Variants in XPO7 observed in about 807,000 individuals in gnomAD.
XPO7 encodes the protein exportin-7.
Under a neutral mutation model 144.3 loss-of-function variants are expected in XPO7, and 21 were observed. That is an observed-to-expected ratio of 0.15 (90% CI 0.10 to 0.21). The LOEUF (loss-of-function observed/expected upper bound fraction) is 0.21. Among genes scored for constraint, XPO7 ranks in the 10% least tolerant of loss-of-function variants. The pLI is 1.00. For synonymous variants in XPO7, 580 were observed against 499.6 expected (o/e 1.16, Z -2.15); for missense variants, 808 against 1,325.8 (o/e 0.61, Z 6.06).
At chr8:21,927,615 G>A (rs1810502205) in intron 1 of XPO7, among the ~76,000 whole-genome samples, 2 of 147,934 alleles carry the variant, frequency 1.4e-5, no homozygotes, top group Admixed American at 7.0e-5. Context: ...GCGCAATCTC[G>A]GCTCACGGCA....
chr8:21,934,520 C>T (rs536992679), intron 1 of XPO7, among the ~76,000 whole-genome samples: 5 of 150,794 alleles, frequency 3.3e-5, no homozygotes, highest in East Asian at 1.9e-4. Context: ...GCAACAAGAG[C>T]GAAACTCCGT....
rs1489443321 is a variant in XPO7 at position 21,970,241 on chromosome 8, C to G, written c.357C>G (p.Gly119=). The change falls in exon 4 of 28, where the codon GGC becomes GGG. Residue 119 remains glycine, a synonymous_variant. Coordinates refer to ENST00000252512, the MANE Select transcript of XPO7 (RefSeq NM_015024.5). ...TATATGCCAGAATCACAAAACTGGG[C>G]TGGTTTGACTGTCAGAAGGATGACT... ...IQLYARITKL[G]WFDCQKDDYV... 3.1e-6 allele frequency: 5 copies of G among 1,613,598 alleles called. No individual in the cohort carries two copies. The highest frequency in any genetic ancestry group is 4.2e-6 in the Non-Finnish European group (5 of 1,179,802).
chr8:22,001,972 G>A (rs1018573292), intron 24 of XPO7, 140 bp from the exon 25 acceptor site: 1 of 878,800 alleles, frequency 1.1e-6, no homozygotes, highest in Non-Finnish European at 1.7e-6. Flanking sequence ...ATGAGGTTAA[G>A]AGGTTAACAG....
chr8:21,941,637 A>G (rs1232546101), intron 1 of XPO7, among the ~76,000 whole-genome samples: 1 of 152,266 alleles, frequency 6.6e-6, no homozygotes, highest in Non-Finnish European at 1.5e-5. Flanking sequence ...TGAGTCCATT[A>G]GTACAGAACC....
Position 21,983,397 on chromosome 8 carries a change from A to G in XPO7, c.1277+585A>G, listed in dbSNP as rs138270308. Among the ~76,000 whole-genome samples, 814 of 152,328 alleles carry G rather than the reference A, an allele frequency of 5.3e-3. 6 individuals are homozygous for G. The highest frequency in any genetic ancestry group is 0.019 in the African/African-American group (771 of 41,568). On this transcript the variant is annotated intron_variant, in intron 11 of 27. Transcript: ENST00000252512. ...AATGAAGTTATAGCCCTGTTTAGGT[A>G]GCTTTCTTGTTTTCACTGGCTGTTT...
chr8:21,970,052 T>G (rs1812001671), intron 3 of XPO7, 92 bp from the exon 4 acceptor site: 5 of 1,380,534 alleles, frequency 3.6e-6, no homozygotes, highest in African/African-American at 1.5e-5. Context: ...TTATAATTTC[T>G]TGGCCATTTA....
intron 20 of XPO7, 111 bp downstream of exon 20, chr8:21,994,562 G>A: frequency 4.0e-6 from 4 of 1,007,382 alleles, no homozygotes; most frequent in South Asian, 2.8e-5. Context: ...AGGCAGAGAA[G>A]ATGAAGAGTT....
chr8:21,954,613 A>G (rs1444244906), intron 1 of XPO7, among the ~76,000 whole-genome samples: 4 of 152,118 alleles, frequency 2.6e-5, no homozygotes, highest in Admixed American at 2.0e-4. Context: ...CAGCCTGGGC[A>G]ACAGAGTGAG....
chr8:21,982,797 T>C lies in XPO7; in HGVS notation c.1262T>C (p.Val421Ala), dbSNP rs757649127. The C allele has an allele frequency of 5.6e-6, 9 of 1,607,976 alleles. No homozygotes were observed. Among genetic ancestry groups the C allele is most frequent in the East Asian group, 2.2e-5 (1 of 44,860 alleles). The change falls in exon 11 of 28, where the codon GTG becomes GCG. Residue 421 changes from valine (V) to alanine (A), a missense_variant. Around this residue, in one of 5 missense-constraint regions of XPO7, gnomAD observed 416 missense variants for 612.5 expected, o/e 0.68. Coordinates refer to ENST00000252512, the MANE Select transcript of XPO7 (RefSeq NM_015024.5). ...KAYITSRLES[V>A]HIILRDGLED... ...TACATCACATCCCGGTTGGAATCTG[T>C]GCACATCATACTGAGGTAAGGAAAC...
At chr8:22,000,453 ATTTTTTT>A (rs34272523) in intron 24 of XPO7, among the ~76,000 whole-genome samples, 1 of 128,726 alleles carries the variant, frequency 7.8e-6, no homozygotes, top group Non-Finnish European at 1.6e-5. Flanking sequence ...CCTTCCAACA[ATTTTTTT>A]TTTTTTTTTT....
intron 1 of XPO7, among the ~76,000 whole-genome samples, chr8:21,946,322 C>T (rs866653235): frequency 9.9e-5 from 15 of 151,560 alleles, no homozygotes; most frequent in Admixed American, 2.6e-4. Flanking sequence ...AAAAAGTGAC[C>T]GTCAAAAACA....
rs769985213 is a variant in XPO7 at position 21,966,843 on chromosome 8, CTGAT to C, written c.19-13_19-10del. The C allele has an allele frequency of 3.4e-5, 55 of 1,607,148 alleles. No individual in the cohort carries two copies. In the Middle Eastern group the frequency reaches 8.3e-4, roughly 24 times the overall value. ...TAGGCTGAACTGTTTTCTTTCCTGA[CTGAT>C]CTTTTCCAGAGCCTGGCCCAACTAG... On this transcript the variant is annotated splice_polypyrimidine_tract_variant and intron_variant, in intron 1 of 27. Coordinates refer to ENST00000252512, the MANE Select transcript of XPO7 (RefSeq NM_015024.5).
chr8:21,976,319 G>A (rs1455283544), intron 6 of XPO7, 37 bp from the exon 7 acceptor site: 1 of 1,600,422 alleles, frequency 6.2e-7, no homozygotes, highest in East Asian at 2.2e-5. Context: ...GAAGAGAGGA[G>A]TGATTTTGGG....
chr8:21,978,896 G>A (rs970763329), intron 8 of XPO7, among the ~76,000 whole-genome samples: 1 of 152,204 alleles, frequency 6.6e-6, no homozygotes, highest in East Asian at 1.9e-4. Context: ...CCAACTAGAA[G>A]CCAGAGGGCA....
At chr8:21,924,595 T>C (rs1585410965) in intron 1 of XPO7, among the ~76,000 whole-genome samples, 1 of 152,296 alleles carries the variant, frequency 6.6e-6, no homozygotes, top group Non-Finnish European at 1.5e-5. Flanking sequence ...GGGGGATTTA[T>C]TTCATAATAT....
At chr8:21,920,831 G>A (rs1810256831) in intron 1 of XPO7, among the ~76,000 whole-genome samples, 1 of 152,170 alleles carries the variant, frequency 6.6e-6, no homozygotes, top group Admixed American at 6.5e-5. Flanking sequence ...AGATTAGAGG[G>A]CAAGAAGTGT....
At chr8:21,962,679 A>G (rs1479910294) in intron 1 of XPO7, among the ~76,000 whole-genome samples, 1 of 152,162 alleles carries the variant, frequency 6.6e-6, no homozygotes, top group African/African-American at 2.4e-5. Flanking sequence ...CTTCCCAGAG[A>G]CAATTAAGTT....
intron 1 of XPO7, among the ~76,000 whole-genome samples, chr8:21,943,234 G>A (rs1180291412): frequency 6.6e-6 from 1 of 152,090 alleles, no homozygotes; most frequent in South Asian, 2.1e-4. Context: ...TTAGAAAGAC[G>A]AAAATGACTT....
chr8:21,929,626 C>G (rs1810578975), intron 1 of XPO7, among the ~76,000 whole-genome samples: 1 of 152,210 alleles, frequency 6.6e-6, no homozygotes, highest in South Asian at 2.1e-4. Context: ...GATTCACTAG[C>G]AATCGTAGTT....
Sources: allele counts gnomAD v4.1 joint callset (sites outside exome capture counted in the v4.1 genomes callset), GRCh38; gene constraint gnomAD v4.1.1; regional missense constraint gnomAD v4.1.1; transcripts MANE v1.5; gene names NCBI Gene and HGNC (gene_info 2026-07-23, HGNC 2026-07-21).